The following ERVV-2 variants were observed in gnomAD, a reference collection of about 807,000 sequenced individuals.
The protein encoded by ERVV-2 is endogenous retrovirus group V member 2 Env polyprotein.
For missense variants in ERVV-2, 291 were observed against 495.1 expected (o/e 0.59, Z 3.91); for synonymous variants, 105 against 184.6 (o/e 0.57, Z 3.49).
Position 53,050,905 on chromosome 19 carries a change from C to A in ERVV-2, c.*46C>A, listed in dbSNP as rs1290870571. On this transcript the variant is annotated 3_prime_UTR_variant, in exon 2 of 2. Coordinates refer to ENST00000601417, the MANE Select transcript of ERVV-2 (RefSeq NM_001191055.2). Reference sequence around the variant, plus strand: ...CCCTGATGACTTCTTCGCCCCATGTCAGCAGGAAGTAGTTACAGAAGACCC... The same window carrying A: ...CCCTGATGACTTCTTCGCCCCATGTAAGCAGGAAGTAGTTACAGAAGACCC... 6.9e-7 allele frequency: 1 copy of A among 1,454,384 alleles called. No homozygotes were observed. The highest frequency in any genetic ancestry group is 1.4e-5 in the South Asian group (1 of 70,142). 90.1% of individuals were successfully genotyped at this position (1,454,384 alleles called of 1,614,324 possible).
rs1394949438 is a variant in ERVV-2, at chr19:53,050,647, G to A, written c.1396G>A (p.Val466Ile). 1 of 1,435,668 alleles carries A rather than the reference G, an allele frequency of 7.0e-7. No homozygotes were observed. The highest frequency in any genetic ancestry group is 2.0e-5 in the Admixed American group (1 of 50,844). 88.9% of individuals were successfully genotyped at this position (1,435,668 alleles called of 1,614,324 possible). The change falls in exon 2 of 2, where the codon GTT becomes ATT. Residue 466 changes from valine to isoleucine, a missense_variant. Val to Ile is a conservative substitution (Grantham distance 29). Coordinates refer to ENST00000601417, the MANE Select transcript of ERVV-2 (RefSeq NM_001191055.2). ...WFVPLLGPAT[V>I]ILLLFLFGPC... ...TGTCCCTTTACTGGGACCAGCAACA[G>A]TTATACTCTTACTTTTCCTCTTTGG...
intron 1 of ERVV-2, among the ~76,000 whole-genome samples, chr19:53,047,500 GA>G (rs1422107317): frequency 6.6e-6 from 1 of 152,196 alleles, no homozygotes; most frequent in Non-Finnish European, 1.5e-5. Flanking sequence ...ACCCAACACG[GA>G]AGAGTGGAAG....
Position 53,050,522 on chromosome 19 carries a change from A to G in ERVV-2, c.1271A>G (p.Tyr424Cys), listed in dbSNP as rs577662640. Residue 424 changes from tyrosine to cysteine, a missense_variant, in exon 2 of 2, where the codon TAT becomes TGT. By Grantham distance (194) the Tyr-to-Cys change is radical (BLOSUM62 -2). Coordinates refer to ENST00000601417, the MANE Select transcript of ERVV-2 (RefSeq NM_001191055.2). ...GAIEEDIKKI[Y>C]DEATWLHDFG... is the part of the protein sequence containing the mutation. ...ATAGAGGAGGATATAAAAAAGATCT[A>G]TGATGAGGCTACGTGGCTCCATGAC... The G allele has an allele frequency of 5.5e-5, 40 of 732,720 alleles. No homozygotes were observed. In the Admixed American group the frequency reaches 7.0e-4, roughly 13 times the overall value. The allele number at this position is 732,720 out of a possible 1,614,324, so 45.4% of individuals were successfully genotyped here.
chr19:53,045,779 G>T (rs1020672585), intron 1 of ERVV-2, among the ~76,000 whole-genome samples: 3 of 152,150 alleles, frequency 2.0e-5, no homozygotes, highest in East Asian at 3.9e-4. Context: ...CTTCCTGCGG[G>T]TGCAAGCCTC....
At position 53,049,184 on chromosome 19, in the gene ERVV-2, T is replaced by C; in HGVS notation, c.-68T>C. ...TCACTAAACACTCCATCGAACCACT[T>C]CATTATTTGTCTCTCCTATTTTCAG... On this transcript the variant is annotated 5_prime_UTR_variant, in exon 2 of 2. Coordinates refer to ENST00000601417, the MANE Select transcript of ERVV-2 (RefSeq NM_001191055.2). 1 of 1,129,910 alleles carries C rather than the reference T, an allele frequency of 8.9e-7. No homozygotes were observed. Among genetic ancestry groups the C allele is most frequent in the East Asian group, 2.7e-5 (1 of 36,758 alleles). The allele number at this position is 1,129,910 out of a possible 1,614,324, so 70.0% of individuals were successfully genotyped here.
chr19:53,051,007 GGCATGA>G lies in ERVV-2; in HGVS notation c.*152_*157del, dbSNP rs1265225921. On this transcript the variant is annotated 3_prime_UTR_variant, in exon 2 of 2. Coordinates refer to ENST00000601417, the MANE Select transcript of ERVV-2 (RefSeq NM_001191055.2). ...AAATATTAGGGTAGGCAGGTAGGCA[GGCATGA>G]GCAGGCAAGAGAGCCCTTGGGAAAG... 8 of 644,646 alleles carry G rather than the reference GGCATGA, an allele frequency of 1.2e-5. No individual in the cohort carries two copies. Among genetic ancestry groups the G allele is most frequent in the Non-Finnish European group, 1.7e-5 (7 of 404,278 alleles). The allele number at this position is 644,646 out of a possible 1,614,324, so 39.9% of individuals were successfully genotyped here.
At position 53,050,783 on chromosome 19, in the gene ERVV-2, G is replaced by A; in HGVS notation, c.1532G>A (p.Ser511Asn). The change falls in exon 2 of 2, where the codon AGC becomes AAC. Residue 511 changes from serine (S) to asparagine (N), a missense_variant. Physicochemically the swap from Ser to Asn is conservative, Grantham distance 46. Transcript: ENST00000601417. Reference protein sequence around the residue: ...RYQLSVIGGPSTYKHISPLDA... With the variant: ...RYQLSVIGGPNTYKHISPLDA... ...CAGCTATCTGTCATTGGAGGCCCCAGCACCTATAAGCACATCTCCCCCTTG... is the reference window on the plus strand; with the variant it reads ...CAGCTATCTGTCATTGGAGGCCCCAACACCTATAAGCACATCTCCCCCTTG... 3 of 1,535,970 alleles carry A rather than the reference G, an allele frequency of 2.0e-6. No individual in the cohort carries two copies. The highest frequency in any genetic ancestry group is 2.6e-6 in the Non-Finnish European group (3 of 1,146,888).
chr19:53,047,640 C>T (rs1399472551), intron 1 of ERVV-2, among the ~76,000 whole-genome samples: 1 of 152,114 alleles, frequency 6.6e-6, no homozygotes, highest in African/African-American at 2.4e-5. Context: ...GACACTTCAC[C>T]CTTGCAGGGA....
rs777254209 is a variant in ERVV-2, at chr19:53,050,326, A to G, written c.1075A>G (p.Ile359Val). 1.6e-5 allele frequency: 11 copies of G among 707,378 alleles called. No individual in the cohort carries two copies. In the South Asian group the frequency reaches 1.6e-4, roughly 11 times the overall value. The allele number at this position is 707,378 out of a possible 1,614,324, so 43.8% of individuals were successfully genotyped here. A position where few individuals can be genotyped will look rare whatever the true frequency, so the allele number is the denominator to read the frequency against. The part of the protein sequence containing the change: ...LRNLSRQIDN[I>V]AKSTRDSISK... ...AAATCTCTCCAGACAAATAGACAAC[A>G]TAGCTAAGAGTACCAGAGATAGCAT... The change falls in exon 2 of 2, where the codon ATA (isoleucine) becomes GTA (valine). Residue 359 changes from isoleucine (I) to valine (V), a missense_variant. Ile to Val is a conservative substitution (Grantham distance 29). Transcript: ENST00000601417.
At chr19:53,046,103 T>C (rs1035849038) in intron 1 of ERVV-2, among the ~76,000 whole-genome samples, 2 of 151,682 alleles carry the variant, frequency 1.3e-5, no homozygotes, top group African/African-American at 4.8e-5. Context: ...CTCTACTAAA[T>C]ATACAAAAAT....
chr19:53,051,136 C>CTTTTTTTTTTT lies in ERVV-2; in HGVS notation c.*295_*305dup, dbSNP rs57887970. On this transcript the variant is annotated 3_prime_UTR_variant, in exon 2 of 2. Coordinates refer to ENST00000601417, the MANE Select transcript of ERVV-2 (RefSeq NM_001191055.2). ...TAACCCATCCTAGAACAGCCTTTTG[C>CTTTTTTTTTTT]TTTTTTTTTTTTTTTTTTTTTTTTT... 8.2e-5 allele frequency: 9 copies of CTTTTTTTTTTT among 110,030 alleles called. 1 individual carries two copies. The highest frequency in any genetic ancestry group is 1.9e-4 in the African/African-American group (4 of 21,146). The allele number at this position is 110,030 out of a possible 1,614,324, so 6.8% of individuals were successfully genotyped here.
At chr19:53,046,121 G>A (rs2083889858) in intron 1 of ERVV-2, among the ~76,000 whole-genome samples, 1 of 152,018 alleles carries the variant, frequency 6.6e-6, no homozygotes, top group Admixed American at 6.6e-5. Flanking sequence ...AATTAGCCGG[G>A]CGTGGTGGCA....
At position 53,049,813 on chromosome 19, in the gene ERVV-2, G is replaced by C; in HGVS notation, c.562G>C (p.Gly188Arg). The C allele has an allele frequency of 1.3e-6, 2 of 1,534,194 alleles. No individual in the cohort carries two copies. Among genetic ancestry groups the C allele is most frequent in the Non-Finnish European group, 1.7e-6 (2 of 1,146,484 alleles). ...SPQNRCAAWE[G>R]KELITWRVLY... is the part of the protein sequence containing the mutation. ...CCAAAACCGCTGTGCAGCTTGGGAA[G>C]GAAAAGAGCTAATCACATGGAGGGT... is the stretch of plus-strand genomic sequence containing the variant. Residue 188 changes from glycine (G) to arginine (R), a missense_variant, in exon 2 of 2, where the codon GGA (glycine) becomes CGA (arginine). Transcript: ENST00000601417.
At chr19:53,045,554 G>T (rs796358580) in intron 1 of ERVV-2, among the ~76,000 whole-genome samples, 3 of 152,204 alleles carry the variant, frequency 2.0e-5, no homozygotes, top group African/African-American at 7.2e-5. Flanking sequence ...GCCCACCTCG[G>T]CCTCCCAAAC....
intron 1 of ERVV-2, among the ~76,000 whole-genome samples, chr19:53,048,080 G>T (rs569780450): frequency 3.7e-4 from 57 of 152,252 alleles, no homozygotes; most frequent in Non-Finnish European, 7.6e-4. Flanking sequence ...GGTGGCTCAC[G>T]CCTGTAATCC....
At chr19:53,046,563 T>C (rs537422383) in intron 1 of ERVV-2, among the ~76,000 whole-genome samples, 3 of 152,316 alleles carry the variant, frequency 2.0e-5, no homozygotes, top group African/African-American at 7.2e-5. Flanking sequence ...CCCCTTGCTG[T>C]TTATGTGATC....
chr19:53,048,964 C>A lies in ERVV-2; in HGVS notation c.-288C>A, dbSNP rs929453112. On this transcript the variant is annotated 5_prime_UTR_variant, in exon 2 of 2. Coordinates refer to ENST00000601417, the MANE Select transcript of ERVV-2 (RefSeq NM_001191055.2). Reference sequence around the variant, plus strand: ...CACAGAAGAACAACAGAATTCAGCACCTGAGCATTCTTGTGAGCCACTGGA... The same window carrying A: ...CACAGAAGAACAACAGAATTCAGCAACTGAGCATTCTTGTGAGCCACTGGA... The A allele has an allele frequency of 1.8e-5, 10 of 567,148 alleles. No individual in the cohort carries two copies. The highest frequency in any genetic ancestry group is 6.3e-5 in the South Asian group (3 of 47,524). 35.1% of individuals were successfully genotyped at this position (567,148 alleles called of 1,614,324 possible).
intron 1 of ERVV-2, among the ~76,000 whole-genome samples, chr19:53,048,284 G>C (rs542350052): frequency 5.8e-4 from 89 of 152,224 alleles, no homozygotes; most frequent in Non-Finnish European, 1.2e-3. Flanking sequence ...TGAGGCAGGA[G>C]AATCACTTGA....
Position 53,050,104 on chromosome 19 carries a change from A to G in ERVV-2, c.853A>G (p.Thr285Ala). ...AACCCCCCCTGTGGCAAACCTCTAC[A>G]CTTGCATTAATAACATCCAACATAC... ...YSTPPVANLY[T>A]CINNIQHTGE... The change falls in exon 2 of 2, where the codon ACT (threonine) becomes GCT (alanine). Residue 285 changes from threonine to alanine, a missense_variant. Physicochemically the swap from Thr to Ala is moderately conservative, Grantham distance 58 (BLOSUM62 0). Coordinates refer to ENST00000601417, the MANE Select transcript of ERVV-2 (RefSeq NM_001191055.2). The G allele has an allele frequency of 6.8e-7, 1 of 1,475,998 alleles. No individual in the cohort carries two copies. Among genetic ancestry groups the G allele is most frequent in the Middle Eastern group, 1.7e-4 (1 of 5,772 alleles). The allele number at this position is 1,475,998 out of a possible 1,614,324, so 91.4% of individuals were successfully genotyped here. A position where few individuals can be genotyped will look rare whatever the true frequency, so the allele number is the denominator to read the frequency against.
Sources: gnomAD v4.1 joint callset for allele counts (sites outside exome capture counted in the v4.1 genomes callset) on GRCh38, gnomAD v4.1.1 for gene constraint, MANE v1.5 for transcripts, NCBI Gene and HGNC (gene_info 2026-07-23, HGNC 2026-07-21) for gene names.